CERK: variants seen among roughly 807,000 people sequenced by gnomAD.
CERK encodes the protein ceramide kinase, also known as acylsphingosine kinase.
CERK carries 39 observed loss-of-function variants against 63.4 expected under a neutral mutation model. The observed-to-expected ratio is 0.61, with a 90% CI of 0.48 to 0.80. The LOEUF is 0.80. Among genes scored for constraint, CERK ranks in the 30% least tolerant of loss-of-function variants. The pLI is 0.00. For missense variants in CERK, 670 were observed against 714.1 expected (o/e 0.94, Z 0.70); for synonymous variants, 302 against 280.0 (o/e 1.08, Z -0.78).
chr22:46,724,975 T>C (rs2082911028), intron 1 of CERK, among the ~76,000 whole-genome samples: 1 of 151,608 alleles, frequency 6.6e-6, no homozygotes, highest in Non-Finnish European at 1.5e-5. Context: ...GAGCCAAGAT[T>C]GCGCCACTGC....
chr22:46,733,930 G>A (rs1050457511), intron 1 of CERK, among the ~76,000 whole-genome samples: 2 of 151,964 alleles, frequency 1.3e-5, no homozygotes, highest in South Asian at 4.2e-4. Context: ...CAGCTACTCA[G>A]GAGGCTAAGG....
At chr22:46,699,983 C>T (rs1182454295) in intron 7 of CERK, among the ~76,000 whole-genome samples, 2 of 151,880 alleles carry the variant, frequency 1.3e-5, no homozygotes, top group Non-Finnish European at 2.9e-5. Context: ...CAGCTAGTGG[C>T]GAGGCTCAGG....
chr22:46,698,621 T>C (rs1434381740), intron 8 of CERK, among the ~76,000 whole-genome samples: 1 of 152,218 alleles, frequency 6.6e-6, no homozygotes, highest in Non-Finnish European at 1.5e-5. Context: ...CCAGGCATGG[T>C]TGCTCATGGT....
At chr22:46,706,340 G>A (rs754730385) in intron 6 of CERK, among the ~76,000 whole-genome samples, 3 of 152,198 alleles carry the variant, frequency 2.0e-5, no homozygotes, top group Admixed American at 6.5e-5. Context: ...GGCAGGAACC[G>A]AGAGGTCGGC....
intron 12 of CERK, among the ~76,000 whole-genome samples, chr22:46,688,533 C>T (rs1442162475): frequency 6.6e-6 from 1 of 152,324 alleles, no homozygotes; most frequent in East Asian, 1.9e-4. Flanking sequence ...AAAGGGGGCG[C>T]GTGGCCCTGG....
At chr22:46,732,178 G>A (rs1213836105) in intron 1 of CERK, among the ~76,000 whole-genome samples, 2 of 152,120 alleles carry the variant, frequency 1.3e-5, no homozygotes, top group East Asian at 3.9e-4. Flanking sequence ...AGGCGGTGAG[G>A]GTGGGCCACT....
chr22:46,737,299 AAAAAAAAC>A lies in CERK; in HGVS notation c.142+700_142+707del, dbSNP rs1307278990. On this transcript the variant is annotated intron_variant, in intron 1 of 12. Coordinates refer to ENST00000216264, the MANE Select transcript of CERK (RefSeq NM_022766.6). ...AGAGCAACACTCCGACTCAAAAAAA[AAAAAAAAC>A]AAAAAACAAACAAAAAACAACAAAA... Among the ~76,000 whole-genome samples the A allele has an allele frequency of 1.1e-4, 13 of 115,434 alleles. No individual in the cohort carries two copies. The South Asian group carries it at 1.2e-3, about 10-fold the overall frequency. 75.7% of individuals were successfully genotyped at this position (115,434 alleles called of 152,430 possible). A position where few individuals can be genotyped will look rare whatever the true frequency, so the allele number is the denominator to read the frequency against.
chr22:46,706,616 G>C (rs2082814256), intron 6 of CERK, among the ~76,000 whole-genome samples: 1 of 152,166 alleles, frequency 6.6e-6, no homozygotes, highest in Non-Finnish European at 1.5e-5. Context: ...ATTATGAAAA[G>C]TTCCTCTCTA....
intron 1 of CERK, among the ~76,000 whole-genome samples, chr22:46,726,768 C>G (rs962215236): frequency 2.0e-5 from 3 of 151,708 alleles, no homozygotes; most frequent in Admixed American, 6.6e-5. Context: ...AAACTGTCCC[C>G]CGCCCCTCCC....
intron 7 of CERK, among the ~76,000 whole-genome samples, chr22:46,701,410 G>A (rs1331276457): frequency 1.3e-5 from 2 of 152,278 alleles, no homozygotes; most frequent in East Asian, 1.9e-4. Context: ...GAAAGAACTC[G>A]GCCCACACTG....
Position 46,699,399 on chromosome 22 carries a change from G to A in CERK, c.857C>T (p.Ser286Phe). The stretch of plus-strand genomic sequence containing the variant: ...CCCGTAGAAGCCGTAGCCCAGCAGG[G>A]ACACGGAGTAGCGAAGGAGTGTGCT... ...HNSTLLRYSV[S>F]LLGYGFYGDI... is the part of the protein sequence containing the mutation. The change falls in exon 8 of 13, where the codon TCC becomes TTC. Residue 286 changes from serine (S) to phenylalanine (F), a missense_variant. Physicochemically the swap from Ser to Phe is radical, Grantham distance 155. Coordinates refer to ENST00000216264, the MANE Select transcript of CERK (RefSeq NM_022766.6). The A allele has an allele frequency of 6.2e-7, 1 of 1,614,182 alleles. No homozygotes were observed. The highest frequency in any genetic ancestry group is 8.5e-7 in the Non-Finnish European group (1 of 1,179,978).
intron 8 of CERK, among the ~76,000 whole-genome samples, 176 bp from the exon 9 acceptor site, chr22:46,695,491 C>T (rs2082751821): frequency 6.6e-6 from 1 of 152,282 alleles, no homozygotes; most frequent in Admixed American, 6.5e-5. Context: ...GGCAGGGTCT[C>T]TGCCCTCCCT....
In CERK at chr22:46,689,981, C is replaced by G. The variant is rs1392526825; in HGVS notation, c.1541+11G>C. Reference sequence around the variant, plus strand: ...GGATGGCGCTGGTGGCTGGAGGACCCCTGCACGCACCTGACCTCGATGGCA... The same window carrying G: ...GGATGGCGCTGGTGGCTGGAGGACCGCTGCACGCACCTGACCTCGATGGCA... On this transcript the variant is annotated intron_variant, in intron 12 of 12. Coordinates refer to ENST00000216264, the MANE Select transcript of CERK (RefSeq NM_022766.6). The G allele has an allele frequency of 2.5e-6, 4 of 1,591,196 alleles. No homozygotes were observed. Among genetic ancestry groups the G allele is most frequent in the East Asian group, 2.2e-5 (1 of 44,476 alleles).
At chr22:46,710,880 C>CGCCCA (rs2146568094) in intron 5 of CERK, among the ~76,000 whole-genome samples, 1 of 152,336 alleles carries the variant, frequency 6.6e-6, no homozygotes, top group Non-Finnish European at 1.5e-5. Context: ...CAACCATTCT[C>CGCCCA]GCCCAGCCCA....
Position 46,718,468 on chromosome 22 carries a change from C to T in CERK, c.379+1618G>A, listed in dbSNP as rs370428001. 3.4e-4 allele frequency among the ~76,000 whole-genome samples: 51 copies of T among 152,174 alleles called. No homozygotes were observed. The South Asian group carries it at 0.01, about 30-fold the overall frequency. ...TAGTGCGGAACGACATGCAGAGGAA[C>T]GGGGCTTGTGGTGGTTTGAGATGTG... On this transcript the variant is annotated intron_variant, in intron 3 of 12. Coordinates refer to ENST00000216264, the MANE Select transcript of CERK (RefSeq NM_022766.6).
At chr22:46,718,961 A>T (rs1371641159) in intron 3 of CERK, among the ~76,000 whole-genome samples, 2 of 152,010 alleles carry the variant, frequency 1.3e-5, no homozygotes, top group Non-Finnish European at 2.9e-5. Context: ...CCAGCTACTC[A>T]GGAGACTGAG....
intron 1 of CERK, among the ~76,000 whole-genome samples, chr22:46,734,951 A>G (rs1391448549): frequency 6.6e-6 from 1 of 152,124 alleles, no homozygotes; most frequent in African/African-American, 2.4e-5. Context: ...CACGCTTTAT[A>G]AACACAGTAC....
In CERK at chr22:46,690,997, ATGTG is replaced by A. The variant is rs935347160; in HGVS notation, c.1332+571_1332+574del. Among the ~76,000 whole-genome samples, 14 of 148,254 alleles carry A rather than the reference ATGTG, an allele frequency of 9.4e-5. 1 individual carries two copies. The South Asian group carries it at 1.0e-3, about 11-fold the overall frequency. On this transcript the variant is annotated intron_variant, in intron 11 of 12. Transcript: ENST00000216264. ...TGTATGTATGTGTGTATATGTATGT[ATGTG>A]TATGTATATACACATATATGTATAT...
chr22:46,707,475 C>T (rs1453590533), intron 6 of CERK, among the ~76,000 whole-genome samples: 1 of 152,180 alleles, frequency 6.6e-6, no homozygotes, highest in East Asian at 1.9e-4. Context: ...CCCACACCCA[C>T]CCCTAACTCC....
Sources: allele counts gnomAD v4.1 joint callset (sites outside exome capture counted in the v4.1 genomes callset), GRCh38; gene constraint gnomAD v4.1.1; transcripts MANE v1.5; gene names NCBI Gene and HGNC (gene_info 2026-07-23, HGNC 2026-07-21).